GALNT9: variants seen among roughly 807,000 people sequenced by gnomAD.
GALNT9 encodes the protein GalNAc transferase 9.
A neutral mutation model predicts 63.1 loss-of-function variants in GALNT9; 47 were observed. That is an observed-to-expected ratio of 0.75 (90% CI 0.59 to 0.95). The LOEUF (loss-of-function observed/expected upper bound fraction) is 0.95, where lower values mean the gene tolerates loss of function less well. Ranked by LOEUF, GALNT9 falls within the 40% of genes least tolerant of loss-of-function variation. The pLI, the probability that GALNT9 is intolerant of heterozygous loss-of-function variation, is 0.00. For missense variants in GALNT9, 829 were observed against 874.8 expected, an observed-to-expected ratio of 0.95 and a Z score of 0.66; for synonymous variants, 396 against 365.7, an observed-to-expected ratio of 1.08 and a Z score of -0.94.
At chr12:132,206,575 A>C (rs1162644086) in intron 6 of GALNT9, among the ~76,000 whole-genome samples, 1 of 150,432 alleles carries the variant, frequency 6.6e-6, no homozygotes, top group African/African-American at 2.5e-5. Context: ...TGAACCCGGG[A>C]GGCAGAGGTG....
intron 2 of GALNT9, among the ~76,000 whole-genome samples, chr12:132,262,902 G>A (rs782673006): frequency 3.9e-5 from 6 of 152,144 alleles, no homozygotes; most frequent in Admixed American, 2.6e-4. Flanking sequence ...AAGGGTGTAC[G>A]GGGGCCAGAG....
At chr12:132,226,538 A>C (rs1439810592) in intron 6 of GALNT9, among the ~76,000 whole-genome samples, 6 of 146,334 alleles carry the variant, frequency 4.1e-5, no homozygotes, top group African/African-American at 1.5e-4. Flanking sequence ...CATACACAAC[A>C]CACAACCCAC....
Position 132,329,173 on chromosome 12 carries a change from G to A in GALNT9, c.31C>T (p.Leu11=), listed in dbSNP as rs1337006820. 3 of 1,548,614 alleles carry A rather than the reference G, an allele frequency of 1.9e-6. No homozygotes were observed. The African/African-American group carries it at 4.1e-5, about 21-fold the overall frequency. MAVARKIRTL[L]TVNILVFVGI... ...ACGAACACCAGGATGTTCACCGTCA[G>A]CAAAGTTCGGATCTTCCTGGCCACC... Residue 11 remains leucine, a synonymous_variant, in exon 1 of 11, where the codon CTG becomes TTG. Coordinates refer to ENST00000328957, the MANE Select transcript of GALNT9 (RefSeq NM_001122636.2).
At position 132,246,038 on chromosome 12, in the gene GALNT9, T is replaced by C. The variant is rs1463521322; in HGVS notation, c.1077+1872A>G. 2.0e-5 allele frequency among the ~76,000 whole-genome samples: 3 copies of C among 152,236 alleles called. No individual in the cohort carries two copies. The highest frequency in any genetic ancestry group is 2.0e-4 in the Admixed American group (3 of 15,292). ...GTTCCATCCCTCTGAGGGCCTCGGC[T>C]TTCTTAGGCCCCTGACTGCTGGCCT... On this transcript the variant is annotated intron_variant, in intron 6 of 10. Transcript: ENST00000328957. This position sits in a 1 kb window ranked among gnomAD's most constrained non-coding sequence, Gnocchi z 4.7.
chr12:132,281,439 GCCT>G (rs1232131204), intron 2 of GALNT9, among the ~76,000 whole-genome samples: 2 of 152,272 alleles, frequency 1.3e-5, no homozygotes, highest in African/African-American at 2.4e-5. Flanking sequence ...TGGTGTCAAA[GCCT>G]CCTCACTTTT....
At chr12:132,226,412 C>G (rs1436730218) in intron 6 of GALNT9, among the ~76,000 whole-genome samples, 1 of 149,872 alleles carries the variant, frequency 6.7e-6, no homozygotes, top group Non-Finnish European at 1.5e-5. Flanking sequence ...CTCATATACC[C>G]CATGTACACA....
At chr12:132,227,324 G>A (rs1432522697) in intron 6 of GALNT9, among the ~76,000 whole-genome samples, 10 of 152,274 alleles carry the variant, frequency 6.6e-5, no homozygotes, top group African/African-American at 2.4e-4. Flanking sequence ...GTGTGGGGAA[G>A]TGCATTGCAC....
chr12:132,256,119 T>G (rs1879100694), intron 5 of GALNT9, among the ~76,000 whole-genome samples: 1 of 152,144 alleles, frequency 6.6e-6, no homozygotes, highest in African/African-American at 2.4e-5. Context: ...TCTTTGCATT[T>G]TGGCCCATTT....
chr12:132,303,938 C>A lies in GALNT9; in HGVS notation c.239-17508G>T, dbSNP rs1566019360. Among the ~76,000 whole-genome samples the A allele has an allele frequency of 4.0e-5, 2 of 50,156 alleles. 1 individual carries two copies. The highest frequency in any genetic ancestry group is 7.6e-5 in the Non-Finnish European group (2 of 26,292). The allele number at this position is 50,156 out of a possible 152,430, so 32.9% of individuals were successfully genotyped here. ...ACACAGCCTCGCCCAGACACACCCT[C>A]GCCCGGGCACACCCTCACCTGGGCA... On this transcript the variant is annotated intron_variant, in intron 1 of 10. Coordinates refer to ENST00000328957, the MANE Select transcript of GALNT9 (RefSeq NM_001122636.2).
chr12:132,223,078 CCCACACACACA>C (rs1877530080), intron 6 of GALNT9, among the ~76,000 whole-genome samples: 1 of 118,526 alleles, frequency 8.4e-6, no homozygotes. Flanking sequence ...CCACATACAC[CCCACACACACA>C]CCCCACACCC....
intron 8 of GALNT9, among the ~76,000 whole-genome samples, chr12:132,199,842 G>T (rs1360401752): frequency 6.9e-6 from 1 of 145,268 alleles, no homozygotes; most frequent in Non-Finnish European, 1.5e-5. Flanking sequence ...GGTGGCCCCG[G>T]CTCGTGAGCA....
chr12:132,290,127 A>G (rs1463895278), intron 1 of GALNT9, among the ~76,000 whole-genome samples: 1 of 151,980 alleles, frequency 6.6e-6, no homozygotes, highest in East Asian at 1.9e-4. Flanking sequence ...AGGGGTGCCA[A>G]TTTCCCACCT....
chr12:132,289,483 C>T (rs370931872), intron 1 of GALNT9, among the ~76,000 whole-genome samples: 18 of 152,238 alleles, frequency 1.2e-4, no homozygotes, highest in African/African-American at 2.4e-4. Context: ...TCCCTGGAAC[C>T]GGTGAGTGTC....
At chr12:132,250,049 C>G (rs1233971006) in intron 5 of GALNT9, among the ~76,000 whole-genome samples, 1 of 152,204 alleles carries the variant, frequency 6.6e-6, no homozygotes. Flanking sequence ...CCAGCAGCCA[C>G]GGAGGGACAG....
chr12:132,253,432 G>A (rs1305083376), intron 5 of GALNT9, among the ~76,000 whole-genome samples: 1 of 151,482 alleles, frequency 6.6e-6, no homozygotes, highest in African/African-American at 2.4e-5. Context: ...GCCCTTATGC[G>A]GGCATGACAG....
In GALNT9 at chr12:132,253,996, A is replaced by C. The variant is rs1040956202; in HGVS notation, c.959+3693T>G. 7.4e-4 allele frequency among the ~76,000 whole-genome samples: 112 copies of C among 151,208 alleles called. 1 individual carries two copies. Among genetic ancestry groups the C allele is most frequent in the Non-Finnish European group, 1.3e-3 (88 of 67,870 alleles). The stretch of plus-strand genomic sequence containing the variant: ...CATGATTCCCTGACCCCTGCTGTAC[A>C]TCCTTGAAAATGCCCTTCACTGTTT... On this transcript the variant is annotated intron_variant, in intron 5 of 10. Transcript: ENST00000328957.
intron 1 of GALNT9, among the ~76,000 whole-genome samples, chr12:132,288,439 G>A (rs193099138): frequency 2.6e-5 from 4 of 152,312 alleles, no homozygotes; most frequent in Admixed American, 2.0e-4. Context: ...TTAAAATATC[G>A]ATACTGCACT....
chr12:132,311,748 A>G (rs1285025087), intron 1 of GALNT9, among the ~76,000 whole-genome samples: 1 of 152,082 alleles, frequency 6.6e-6, no homozygotes, highest in African/African-American at 2.4e-5. Context: ...GGGAACCAGC[A>G]GCACCATCAC....
intron 9 of GALNT9, among the ~76,000 whole-genome samples, 200 bp from the exon 10 acceptor site, chr12:132,198,159 C>T (rs1478235665): frequency 6.6e-6 from 1 of 152,222 alleles, no homozygotes; most frequent in Non-Finnish European, 1.5e-5. Flanking sequence ...TGGACGGCGC[C>T]CAAATGCTCC....
Sources: gnomAD v4.1 joint callset for allele counts (sites outside exome capture counted in the v4.1 genomes callset) on GRCh38, gnomAD v4.1.1 for gene constraint, Gnocchi (gnomAD v3.1) non-coding constraint, MANE v1.5 for transcripts, NCBI Gene and HGNC (gene_info 2026-07-23, HGNC 2026-07-21) for gene names.